LTBP1: variants seen among roughly 807,000 people sequenced by gnomAD.
The protein encoded by LTBP1 is latent-transforming growth factor beta-binding protein 1.
Under a neutral mutation model 207.6 loss-of-function variants are expected in LTBP1, and 129 were observed. The ratio of observed to expected loss-of-function variants is 0.62; its 90% confidence interval spans 0.54 to 0.72. The LOEUF (loss-of-function observed/expected upper bound fraction) is 0.72, where lower values mean the gene tolerates loss of function less well. Ranked by LOEUF, LTBP1 falls within the 30% of genes least tolerant of loss-of-function variation. The pLI is 0.00. For missense variants in LTBP1, 2,281 were observed against 2,217.2 expected, an observed-to-expected ratio of 1.03 and a Z score of -0.58; for synonymous variants, 963 against 833.7, an observed-to-expected ratio of 1.16 and a Z score of -2.67.
chr2:33,274,654 A>G (rs972790200), intron 16 of LTBP1, among the ~76,000 whole-genome samples: 9 of 152,158 alleles, frequency 5.9e-5, no homozygotes, highest in Non-Finnish European at 1.3e-4. Context: ...ACTGACAGCA[A>G]ATTCCATTGC....
Position 32,947,824 on chromosome 2 carries a change from C to G in LTBP1, c.494+6C>G. 3.0e-6 allele frequency: 4 copies of G among 1,334,948 alleles called. No individual in the cohort carries two copies. Among genetic ancestry groups the G allele is most frequent in the Middle Eastern group, 2.4e-4 (1 of 4,250 alleles). 82.7% of individuals were successfully genotyped at this position (1,334,948 alleles called of 1,614,324 possible). Reference sequence around the variant, plus strand: ...CAGAAGCAGCAGCTGCAGGGGTAAGCCCACACCCCCTTCCGCCCGCCCGCC... The same window carrying G: ...CAGAAGCAGCAGCTGCAGGGGTAAGGCCACACCCCCTTCCGCCCGCCCGCC... On this transcript the variant is annotated splice_donor_region_variant and intron_variant, in intron 1 of 33. Transcript: ENST00000404816.
At chr2:32,986,630 A>G (rs1219074119) in intron 2 of LTBP1, among the ~76,000 whole-genome samples, 4 of 152,172 alleles carry the variant, frequency 2.6e-5, no homozygotes, top group Non-Finnish European at 5.9e-5. Flanking sequence ...TAAATCAAGC[A>G]CAGGGCCCTT....
At chr2:33,262,919 C>CT in intron 14 of LTBP1, 98 bp downstream of exon 14, 1 of 720,684 alleles carries the variant, frequency 1.4e-6, no homozygotes, top group South Asian at 2.0e-5. Flanking sequence ...AATTACTAGA[C>CT]TTCATAACTG....
chr2:33,099,970 T>G (rs1420321095), intron 3 of LTBP1, among the ~76,000 whole-genome samples: 1 of 152,222 alleles, frequency 6.6e-6, no homozygotes, highest in East Asian at 1.9e-4. Context: ...TGTCTCTTGC[T>G]TCCATTAGGG....
At chr2:33,178,721 G>A (rs1298795562) in intron 5 of LTBP1, among the ~76,000 whole-genome samples, 2 of 152,128 alleles carry the variant, frequency 1.3e-5, no homozygotes, top group Non-Finnish European at 2.9e-5. Context: ...TAAACCAATG[G>A]TTAAAATAGT....
chr2:33,151,616 C>G (rs1310413455), intron 5 of LTBP1, among the ~76,000 whole-genome samples: 1 of 152,084 alleles, frequency 6.6e-6, no homozygotes, highest in African/African-American at 2.4e-5. Context: ...TTGCCCCACT[C>G]CCACCCTTCC....
At chr2:33,212,492 G>T (rs2090387352) in intron 7 of LTBP1, among the ~76,000 whole-genome samples, 1 of 152,244 alleles carries the variant, frequency 6.6e-6, no homozygotes, top group African/African-American at 2.4e-5. Flanking sequence ...TCCTAGATGG[G>T]ATAATGTAAC....
chr2:33,056,469 TG>T, intron 3 of LTBP1: 2 of 881,506 alleles, frequency 2.3e-6, no homozygotes, highest in Non-Finnish European at 3.4e-6. Flanking sequence ...AATTGCCAGC[TG>T]GAGGTGATGA....
intron 3 of LTBP1, among the ~76,000 whole-genome samples, chr2:33,094,424 T>C (rs1015029228): frequency 6.6e-6 from 1 of 152,264 alleles, no homozygotes; most frequent in African/African-American, 2.4e-5. Context: ...AATTTTTTGA[T>C]GTTGCATAAG....
intron 3 of LTBP1, among the ~76,000 whole-genome samples, chr2:33,092,607 G>A (rs779026830): frequency 2.3e-4 from 35 of 149,196 alleles, no homozygotes; most frequent in Non-Finnish European, 5.2e-4. Context: ...GTTTTTTCTT[G>A]GAAGGAATAA....
chr2:32,964,067 T>G (rs1467194283), intron 2 of LTBP1, among the ~76,000 whole-genome samples: 1 of 152,208 alleles, frequency 6.6e-6, no homozygotes, highest in Non-Finnish European at 1.5e-5. Context: ...TTGGCAGGGA[T>G]TGTGCTTCCT....
chr2:33,190,746 ATGAC>A (rs2148885053), intron 7 of LTBP1, among the ~76,000 whole-genome samples: 2 of 152,340 alleles, frequency 1.3e-5, no homozygotes, highest in African/African-American at 4.8e-5. Context: ...GCCATCTACT[ATGAC>A]TGTTTTTATA....
At chr2:33,031,521 C>T (rs549059390) in intron 3 of LTBP1, among the ~76,000 whole-genome samples, 12 of 152,214 alleles carry the variant, frequency 7.9e-5, no homozygotes, top group Admixed American at 2.0e-4. Context: ...TAGCATAATA[C>T]CTAATAAGCT....
At chr2:33,056,583 C>T (rs1483059955) in intron 3 of LTBP1, 5 of 380,648 alleles carry the variant, frequency 1.3e-5, no homozygotes, top group African/African-American at 1.1e-4. Flanking sequence ...GCCGCGGACC[C>T]TCGCAGTGAG....
intron 31 of LTBP1, 144 bp downstream of exon 31, chr2:33,365,647 G>GTA: frequency 2.8e-5 from 21 of 755,336 alleles, no homozygotes; most frequent in Non-Finnish European, 4.1e-5. Context: ...GTGTGTGTGT[G>GTA]TGTAGGGCAG....
At chr2:33,084,108 G>A (rs1291999765) in intron 3 of LTBP1, among the ~76,000 whole-genome samples, 5 of 152,108 alleles carry the variant, frequency 3.3e-5, no homozygotes, top group African/African-American at 1.2e-4. Context: ...GATCTCTAAG[G>A]CTCTCTTTGT....
chr2:33,228,554 A>G (rs577145011), intron 9 of LTBP1, among the ~76,000 whole-genome samples: 3 of 152,262 alleles, frequency 2.0e-5, no homozygotes, highest in African/African-American at 7.2e-5. Context: ...GTTAGTCCAT[A>G]TGCTATGTAC....
intron 4 of LTBP1, among the ~76,000 whole-genome samples, chr2:33,128,099 TGTGA>T (rs2081546632): frequency 6.6e-6 from 1 of 152,184 alleles, no homozygotes. Context: ...CTGTTTAGCT[TGTGA>T]GTAAGCCATC....
chr2:33,382,284 G>A (rs1025784018), intron 31 of LTBP1, among the ~76,000 whole-genome samples: 1 of 151,526 alleles, frequency 6.6e-6, no homozygotes, highest in Non-Finnish European at 1.5e-5. Context: ...TGGTAGAGAC[G>A]GGGTTTCACC....
Sources: allele counts gnomAD v4.1 joint callset (sites outside exome capture counted in the v4.1 genomes callset), GRCh38; gene constraint gnomAD v4.1.1; transcripts MANE v1.5; gene names NCBI Gene and HGNC (gene_info 2026-07-23, HGNC 2026-07-21).